Variants in PTPRC observed in about 807,000 individuals in gnomAD.
PTPRC encodes protein tyrosine phosphatase receptor type C, also known as receptor-type tyrosine-protein phosphatase C.
PTPRC carries 44 observed loss-of-function variants against 155.9 expected under a neutral mutation model. That is an observed-to-expected ratio of 0.28 (90% CI 0.22 to 0.36). PTPRC has a LOEUF of 0.36. PTPRC is among the 10% of genes least tolerant of loss of function. The pLI is 1.00. For missense variants in PTPRC, 1,401 were observed against 1,564.6 expected, an observed-to-expected ratio of 0.90 and a Z score of 1.76; for synonymous variants, 525 against 533.1, an observed-to-expected ratio of 0.98 and a Z score of 0.21.
intron 26 of PTPRC, 58 bp from the exon 27 acceptor site, chr1:198,748,051 G>A (rs1332731357): frequency 1.3e-6 from 2 of 1,540,668 alleles, no homozygotes; most frequent in Non-Finnish European, 1.7e-6. Context: ...ATCTTATGAT[G>A]CAATAAGCCA....
Position 198,702,544 on chromosome 1 carries a change from G to A in PTPRC, c.583+14G>A, listed in dbSNP as rs1666516448. On this transcript the variant is annotated intron_variant, in intron 6 of 32. Transcript: ENST00000442510. The stretch of plus-strand genomic sequence containing the variant: ...CGAACACCTCAGGTCTGACTATGCT[G>A]CTCTAGTAGTGTCTTCAGTTATAGA... 1 of 1,614,064 alleles carries A rather than the reference G, an allele frequency of 6.2e-7. No homozygotes were observed. The highest frequency in any genetic ancestry group is 1.7e-4 in the Middle Eastern group (1 of 6,060).
At position 198,718,245 on chromosome 1, in the gene PTPRC, T is replaced by C. The variant is rs997002414; in HGVS notation, c.1602T>C (p.His534=). The change falls in exon 14 of 33, where the codon CAT becomes CAC. Residue 534 remains histidine, a synonymous_variant. Transcript: ENST00000442510. ...ATACTCTGGTTAGAAATGAGTCGCATAAGAATTGCGATTTCCGTGTAAAAG... is the reference window on the plus strand; with the variant it reads ...ATACTCTGGTTAGAAATGAGTCGCACAAGAATTGCGATTTCCGTGTAAAAG... The part of the protein sequence containing the change: ...AGNTLVRNES[H]KNCDFRVKDL... The C allele has an allele frequency of 6.2e-7, 1 of 1,613,996 alleles. No homozygotes were observed. Among genetic ancestry groups the C allele is most frequent in the Non-Finnish European group, 8.5e-7 (1 of 1,179,990 alleles).
At chr1:198,729,229 TTTTA>T (rs138335258) in intron 17 of PTPRC, 58 bp downstream of exon 17, 18 of 1,491,986 alleles carry the variant, frequency 1.2e-5, no homozygotes, top group South Asian at 4.1e-5. Flanking sequence ...AATCCATTCA[TTTTA>T]TTTATTTATT....
intron 14 of PTPRC, 37 bp from the exon 15 acceptor site, chr1:198,722,379 C>G: frequency 8.6e-7 from 1 of 1,162,332 alleles, no homozygotes; most frequent in South Asian, 2.0e-5. Context: ...TTCACATTAG[C>G]AAACTAATTA....
Position 198,756,323 on chromosome 1 carries a change from T to A in PTPRC, c.*142T>A. On this transcript the variant is annotated 3_prime_UTR_variant, in exon 33 of 33. Coordinates refer to ENST00000442510, the MANE Select transcript of PTPRC (RefSeq NM_002838.5). ...TTGTAGAAGGGTTATATTTTACTAC[T>A]GTGGAAAAATATTTAAGATAGTTTT... The A allele has an allele frequency of 9.2e-7, 1 of 1,086,154 alleles. No individual in the cohort carries two copies. Among genetic ancestry groups the A allele is most frequent in the Non-Finnish European group, 1.3e-6 (1 of 757,980 alleles). 67.3% of individuals were successfully genotyped at this position (1,086,154 alleles called of 1,614,324 possible).
chr1:198,694,852 G>C, intron 3 of PTPRC: 1 of 963,686 alleles, frequency 1.0e-6, no homozygotes, highest in Non-Finnish European at 1.2e-6. Flanking sequence ...TCTAAAGTTA[G>C]ACCTGATTTT....
At chr1:198,664,940 T>C (rs1238540275) in intron 2 of PTPRC, among the ~76,000 whole-genome samples, 2 of 152,300 alleles carry the variant, frequency 1.3e-5, no homozygotes, top group African/African-American at 4.8e-5. Flanking sequence ...AAATATGCTA[T>C]ATTTTTTCCC....
chr1:198,754,245 T>TTCTA lies in PTPRC; in HGVS notation c.3510-20_3510-17dup, dbSNP rs759111781. ...CTTTTTGGTGAGAAGTAGGATTATT[T>TTCTA]TCTATCTTTTCTTTCTTTTATAGGG... On this transcript the variant is annotated intron_variant, in intron 31 of 32. Coordinates refer to ENST00000442510, the MANE Select transcript of PTPRC (RefSeq NM_002838.5). 26 of 1,595,264 alleles carry TTCTA rather than the reference T, an allele frequency of 1.6e-5. 1 individual carries two copies. In the South Asian group the frequency reaches 2.0e-4, roughly 12 times the overall value.
intron 2 of PTPRC, among the ~76,000 whole-genome samples, chr1:198,670,231 C>G (rs528519072): frequency 6.6e-6 from 1 of 152,112 alleles, no homozygotes; most frequent in East Asian, 1.9e-4. Context: ...TCTTATTTTC[C>G]TTAGCATTTT....
chr1:198,713,041 T>C lies in PTPRC; in HGVS notation c.1260T>C (p.His420=). 6.2e-7 allele frequency: 1 copy of C among 1,613,858 alleles called. No individual in the cohort carries two copies. Among genetic ancestry groups the C allele is most frequent in the Non-Finnish European group, 8.5e-7 (1 of 1,179,790 alleles). ...ITWNPPQRSF[H]NFTLCYIKET... The stretch of plus-strand genomic sequence containing the variant: ...GGAATCCCCCTCAAAGATCATTTCA[T>C]AATTTTACCCTCTGTTATATAAAAG... Residue 420 remains histidine, a synonymous_variant, in exon 12 of 33, where the codon CAT becomes CAC. Coordinates refer to ENST00000442510, the MANE Select transcript of PTPRC (RefSeq NM_002838.5).
intron 25 of PTPRC, 62 bp downstream of exon 25, chr1:198,742,429 G>A: frequency 1.3e-6 from 2 of 1,582,924 alleles, no homozygotes; most frequent in Non-Finnish European, 1.7e-6. Flanking sequence ...TCTTTTCCAA[G>A]TGATAATAAT....
At chr1:198,678,644 G>A (rs1378820394) in intron 2 of PTPRC, among the ~76,000 whole-genome samples, 3 of 152,172 alleles carry the variant, frequency 2.0e-5, no homozygotes, top group Non-Finnish European at 4.4e-5. Context: ...CTCCATGCCA[G>A]CCAGCCTCTG....
Position 198,742,053 on chromosome 1 carries a change from AC to A in PTPRC, c.2561+28del, listed in dbSNP as rs373981286. 3.1e-3 allele frequency: 4,945 copies of A among 1,571,798 alleles called. 3 individuals are homozygous for A. The highest frequency in any genetic ancestry group is 7.8e-3 in the African/African-American group (575 of 73,928). ...TAGGAAAAACGAACAAAAAAAAAAA[AC>A]AACAACAAAAAAACTCCAACAGAAT... On this transcript the variant is annotated intron_variant, in intron 24 of 32. Transcript: ENST00000442510.
At chr1:198,729,822 G>A (rs1170515972) in intron 17 of PTPRC, among the ~76,000 whole-genome samples, 3 of 152,116 alleles carry the variant, frequency 2.0e-5, no homozygotes, top group African/African-American at 7.2e-5. Context: ...ATATATGGAA[G>A]ATAGAAAACT....
intron 25 of PTPRC, 131 bp from the exon 26 acceptor site, chr1:198,743,923 G>T: frequency 2.4e-6 from 2 of 833,406 alleles, no homozygotes; most frequent in Non-Finnish European, 1.9e-6. Context: ...AAATATTATA[G>T]ATATCAATTT....
intron 2 of PTPRC, among the ~76,000 whole-genome samples, chr1:198,666,240 CAAAAAAA>C (rs756815638): frequency 9.8e-6 from 1 of 101,814 alleles, no homozygotes; most frequent in Non-Finnish European, 1.9e-5. Context: ...GACCCTGTCT[CAAAAAAA>C]AAAAAAAAAA....
chr1:198,722,590 C>A, intron 15 of PTPRC, 114 bp downstream of exon 15: 1 of 483,818 alleles, frequency 2.1e-6, no homozygotes, highest in Non-Finnish European at 3.1e-6. Flanking sequence ...TAAATAATAT[C>A]TCTTCCGTAA....
At chr1:198,754,442 A>G (rs753324128) in intron 32 of PTPRC, 38 bp downstream of exon 32, 4 of 1,563,556 alleles carry the variant, frequency 2.6e-6, no homozygotes, top group Non-Finnish European at 3.5e-6. Context: ...CATGCTCGGA[A>G]TTTTTTTTTT....
At position 198,752,585 on chromosome 1, in the gene PTPRC, T is replaced by C. The variant is rs1222950253; in HGVS notation, c.3331-9T>C. The stretch of plus-strand genomic sequence containing the variant: ...CTCCAGTTAATGCTCTCTTCAATTC[T>C]GATTTTAGAGGAAAGACTCTCGAAC... On this transcript the variant is annotated splice_polypyrimidine_tract_variant and intron_variant, in intron 30 of 32. Coordinates refer to ENST00000442510, the MANE Select transcript of PTPRC (RefSeq NM_002838.5). 6.2e-7 allele frequency: 1 copy of C among 1,610,968 alleles called. No individual in the cohort carries two copies. The highest frequency in any genetic ancestry group is 1.7e-5 in the Admixed American group (1 of 59,820).
Sources: allele counts gnomAD v4.1 joint callset (sites outside exome capture counted in the v4.1 genomes callset), GRCh38; gene constraint gnomAD v4.1.1; transcripts MANE v1.5; gene names NCBI Gene and HGNC (gene_info 2026-07-23, HGNC 2026-07-21).